DEK: variants seen among roughly 807,000 people sequenced by gnomAD.
The protein encoded by DEK is DEK proto-oncogene.
In DEK, 28 loss-of-function variants were observed where a neutral mutation model predicts 46.8. That is an observed-to-expected ratio of 0.60 (90% CI 0.44 to 0.82). The LOEUF is 0.82. DEK is among the 40% of genes least tolerant of loss of function. The probability of loss-of-function intolerance (pLI) is 0.00; values close to 1 mark genes in which losing one functional copy is unlikely to be tolerated. For synonymous variants in DEK, 160 were observed against 144.5 expected (o/e 1.11, Z -0.77); for missense variants, 416 against 430.6 (o/e 0.97, Z 0.30).
chr6:18,254,971 C>T (rs1402627382), intron 6 of DEK, among the ~76,000 whole-genome samples: 2 of 152,098 alleles, frequency 1.3e-5, no homozygotes, highest in Non-Finnish European at 2.9e-5. Flanking sequence ...TGATTAATGC[C>T]ATCTCCCATC....
At chr6:18,227,219 C>G (rs1790175468) in intron 9 of DEK, among the ~76,000 whole-genome samples, 1 of 152,014 alleles carries the variant, frequency 6.6e-6, no homozygotes, top group Non-Finnish European at 1.5e-5. Context: ...GCAGTTGAGA[C>G]AAGAGGAAGG....
intron 7 of DEK, chr6:18,244,541 G>A: frequency 7.8e-7 from 1 of 1,289,070 alleles, no homozygotes. Flanking sequence ...TCTTGAAGGA[G>A]GGTCTCCAAA....
intron 9 of DEK, among the ~76,000 whole-genome samples, chr6:18,232,557 C>T (rs1171996645): frequency 6.6e-6 from 1 of 152,058 alleles, no homozygotes; most frequent in South Asian, 2.1e-4. Flanking sequence ...ACAAGCATTC[C>T]TATACACCCA....
intron 6 of DEK, among the ~76,000 whole-genome samples, chr6:18,251,814 G>C (rs1176912863): frequency 6.6e-6 from 1 of 152,080 alleles, no homozygotes; most frequent in Non-Finnish European, 1.5e-5. Context: ...GACACAGGTA[G>C]CAAGGATGTA....
rs753599674 is a variant in DEK at position 18,237,528 on chromosome 6, G to T, written c.763-12C>A. The T allele has an allele frequency of 5.0e-6, 8 of 1,596,388 alleles. No homozygotes were observed. Among genetic ancestry groups the T allele is most frequent in the Non-Finnish European group, 6.8e-6 (8 of 1,175,186 alleles). On this transcript the variant is annotated splice_polypyrimidine_tract_variant and intron_variant, in intron 7 of 10. Transcript: ENST00000652689. Reference sequence around the variant, plus strand: ...GTCTTTTTTGGTGGCTGTTACAAAAGAAAGTAAAAGTACACATATTGATGA... The same window carrying T: ...GTCTTTTTTGGTGGCTGTTACAAAATAAAGTAAAAGTACACATATTGATGA...
chr6:18,252,941 T>C (rs775167507), intron 6 of DEK, among the ~76,000 whole-genome samples: 25 of 152,212 alleles, frequency 1.6e-4, no homozygotes, highest in Non-Finnish European at 2.6e-4. Flanking sequence ...ATAAATACTG[T>C]GTTAACTCTC....
chr6:18,262,294 C>T (rs76181336), intron 2 of DEK, among the ~76,000 whole-genome samples: 5 of 108,538 alleles, frequency 4.6e-5, no homozygotes, highest in African/African-American at 1.6e-4. Flanking sequence ...TATAGTAACG[C>T]AAAAAAAAAA....
At chr6:18,236,306 G>C in intron 9 of DEK, 146 bp downstream of exon 9, 1 of 745,830 alleles carries the variant, frequency 1.3e-6, no homozygotes, top group Non-Finnish European at 2.0e-6. Context: ...TGGTATCCCA[G>C]CACCTGTAAG....
intron 7 of DEK, 138 bp downstream of exon 7, chr6:18,249,513 G>T: frequency 7.8e-7 from 1 of 1,288,678 alleles, no homozygotes; most frequent in Non-Finnish European, 1.0e-6. Flanking sequence ...AAAGAAATGG[G>T]TTCATACTTA....
chr6:18,256,816 G>A (rs1214275879), intron 4 of DEK, among the ~76,000 whole-genome samples: 1 of 152,116 alleles, frequency 6.6e-6, no homozygotes, highest in Non-Finnish European at 1.5e-5. Flanking sequence ...AAGTAATAAA[G>A]TTACTAGTAA....
chr6:18,260,334 A>G (rs1184352527), intron 2 of DEK, among the ~76,000 whole-genome samples: 1 of 152,176 alleles, frequency 6.6e-6, no homozygotes, highest in East Asian at 1.9e-4. Context: ...TTTGTGGTTG[A>G]TTGAATCCAC....
chr6:18,236,211 TTTAA>T (rs1205635988), intron 9 of DEK, among the ~76,000 whole-genome samples: 1 of 152,216 alleles, frequency 6.6e-6, no homozygotes, highest in Non-Finnish European at 1.5e-5. Flanking sequence ...AATGTGTCAC[TTTAA>T]TTTTATTCAC....
rs778832853 is a variant in DEK, at chr6:18,258,380, C to T, written c.171G>A (p.Lys57=). Residue 57 remains lysine, a synonymous_variant, in exon 3 of 11, where the codon AAG becomes AAA. Coordinates refer to ENST00000652689, the MANE Select transcript of DEK (RefSeq NM_003472.4). ...EKEKSLIVEG[K]REKKKVERLT... ...ACCTCTCTACTTTTTTCTTTTCCCT[C>T]TTGCCTTCCACGATGAGACTCTTTT... The T allele has an allele frequency of 1.9e-6, 3 of 1,612,946 alleles. No individual in the cohort carries two copies. Among genetic ancestry groups the T allele is most frequent in the Admixed American group, 3.3e-5 (2 of 59,906 alleles).
In DEK at chr6:18,263,856, C is replaced by CTCCTCCTCCTCGTCGTCCTCGTCCTCT. The variant is rs1561996137; in HGVS notation, c.105_131dup (p.Asp37_Glu45dup). 1.9e-6 allele frequency: 3 copies of CTCCTCCTCCTCGTCGTCCTCGTCCTCT among 1,612,696 alleles called. No individual in the cohort carries two copies. The highest frequency in any genetic ancestry group is 2.5e-6 in the Non-Finnish European group (3 of 1,179,340). On this transcript the variant is annotated inframe_insertion, in exon 2 of 11. Transcript: ENST00000652689. ...GACTCCCCCCACCTTTTTCCTCCTCCTCCTCCTCCTCGTCGTCCTCGTCCT... is the reference window on the plus strand; with the variant it reads ...GACTCCCCCCACCTTTTTCCTCCTCCTCCTCCTCCTCGTCGTCCTCGTCCTCTTCCTCCTCCTCGTCGTCCTCGTCCT...
At position 18,224,622 on chromosome 6, in the gene DEK, T is replaced by A; in HGVS notation, c.*1097A>T. ...ATTAAATTTCTTTAATGTAAAAGTATATTATTTTTGAGACACACTTTGTCA... is the reference window on the plus strand; with the variant it reads ...ATTAAATTTCTTTAATGTAAAAGTAAATTATTTTTGAGACACACTTTGTCA... On this transcript the variant is annotated 3_prime_UTR_variant, in exon 11 of 11. Coordinates refer to ENST00000652689, the MANE Select transcript of DEK (RefSeq NM_003472.4). The A allele has an allele frequency of 4.9e-6, 1 of 205,126 alleles. No individual in the cohort carries two copies. Among genetic ancestry groups the A allele is most frequent in the African/African-American group, 2.3e-5 (1 of 43,704 alleles). The allele number at this position is 205,126 out of a possible 1,614,324, so 12.7% of individuals were successfully genotyped here.
chr6:18,257,785 T>G (rs1279273126), intron 4 of DEK, among the ~76,000 whole-genome samples, 168 bp downstream of exon 4: 3 of 151,906 alleles, frequency 2.0e-5, no homozygotes, highest in Non-Finnish European at 2.9e-5. Flanking sequence ...ATAATCCAAG[T>G]GCTAATATCC....
intron 4 of DEK, among the ~76,000 whole-genome samples, chr6:18,257,052 C>T (rs113675916): frequency 3.3e-5 from 5 of 152,278 alleles, no homozygotes; most frequent in African/African-American, 1.2e-4. Context: ...CACGTACAAC[C>T]TAAAGCAGTT....
intron 7 of DEK, among the ~76,000 whole-genome samples, chr6:18,242,964 T>C (rs1790962442): frequency 6.6e-6 from 1 of 152,096 alleles, no homozygotes; most frequent in Non-Finnish European, 1.5e-5. Flanking sequence ...AGTGCTTAGT[T>C]ATGATGAAAA....
At chr6:18,260,979 T>G in intron 2 of DEK, among the ~76,000 whole-genome samples, 1 of 139,480 alleles carries the variant, frequency 7.2e-6, no homozygotes, top group Non-Finnish European at 1.6e-5. Flanking sequence ...AGTGAGACCT[T>G]GTCTCCAAAA....
Sources: allele counts gnomAD v4.1 joint callset (sites outside exome capture counted in the v4.1 genomes callset), GRCh38; gene constraint gnomAD v4.1.1; transcripts MANE v1.5; gene names NCBI Gene and HGNC (gene_info 2026-07-23, HGNC 2026-07-21).